The following MTPAP variants were observed in gnomAD, a reference collection of about 807,000 sequenced individuals.
The protein encoded by MTPAP is mitochondrial poly(A) polymerase, also known as poly(A) RNA polymerase, mitochondrial.
MTPAP carries 23 observed loss-of-function variants against 48.7 expected under a neutral mutation model. The observed-to-expected ratio is 0.47, with a 90% CI of 0.34 to 0.67. MTPAP has a LOEUF of 0.67. Ranked by LOEUF, MTPAP falls within the 30% of genes least tolerant of loss-of-function variation. MTPAP has a pLI of 0.01. For synonymous variants in MTPAP, 257 were observed against 254.1 expected (o/e 1.01, Z -0.11); for missense variants, 614 against 694.3 (o/e 0.88, Z 1.30).
intron 1 of MTPAP, among the ~76,000 whole-genome samples, chr10:30,346,141 T>C (rs767898822): frequency 5.3e-5 from 8 of 151,926 alleles, no homozygotes; most frequent in Admixed American, 3.9e-4. Flanking sequence ...AACCTAGCAG[T>C]TTTATAAAAG....
In MTPAP at chr10:30,310,560, G is replaced by C. The variant is rs1172918192; in HGVS notation, c.*3049C>G. 1.3e-5 allele frequency: 2 copies of C among 148,154 alleles called. No individual in the cohort carries two copies. Among genetic ancestry groups the C allele is most frequent in the African/African-American group, 5.1e-5 (2 of 39,436 alleles). 9.2% of individuals were successfully genotyped at this position (148,154 alleles called of 1,614,324 possible). On this transcript the variant is annotated 3_prime_UTR_variant, in exon 9 of 9. Transcript: ENST00000263063. Reference sequence around the variant, plus strand: ...AAGATCACTGCACTCTCCAGCCTGGGTGACAGAGGGAGACCCATCTCAAAA... The same window carrying C: ...AAGATCACTGCACTCTCCAGCCTGGCTGACAGAGGGAGACCCATCTCAAAA...
Position 30,336,943 on chromosome 10 carries a change from T to C in MTPAP, c.640A>G (p.Ile214Val). The C allele has an allele frequency of 6.2e-7, 1 of 1,613,642 alleles. No individual in the cohort carries two copies. Among genetic ancestry groups the C allele is most frequent in the Non-Finnish European group, 8.5e-7 (1 of 1,179,982 alleles). The change falls in exon 4 of 9, where the codon ATT becomes GTT. Residue 214 changes from isoleucine to valine, a missense_variant. By Grantham distance (29) the Ile-to-Val change is conservative. Coordinates refer to ENST00000263063, the MANE Select transcript of MTPAP (RefSeq NM_018109.4). ...TKLRYLTCSL[I>V]EDMAAAYFPD... is the part of the protein sequence containing the mutation. ...AAATACGCGGCGGCCATGTCTTCAA[T>C]AAGAGAACAGGTGAGATATCGGAGC...
At position 30,340,464 on chromosome 10, in the gene MTPAP, A is replaced by G; in HGVS notation, c.331-14T>C. ...AGCATAGAGACCCTATACCAAAAACATAAGAAAAAACAGAACACATTTCAC... is the reference window on the plus strand; with the variant it reads ...AGCATAGAGACCCTATACCAAAAACGTAAGAAAAAACAGAACACATTTCAC... On this transcript the variant is annotated splice_polypyrimidine_tract_variant and intron_variant, in intron 2 of 8. Coordinates refer to ENST00000263063, the MANE Select transcript of MTPAP (RefSeq NM_018109.4). 1.3e-6 allele frequency: 2 copies of G among 1,584,054 alleles called. No individual in the cohort carries two copies. The highest frequency in any genetic ancestry group is 1.7e-6 in the Non-Finnish European group (2 of 1,152,760).
Position 30,326,496 on chromosome 10 carries a change from T to G in MTPAP, c.920A>C (p.Asn307Thr). ...GAACCTCACGAGCGGACACCGGGCA[T>G]TTAATATTTTTTGCACACCCACACA... ...PGCVGVQKILNARCPLVRFSH... is the reference protein window; with the variant it reads ...PGCVGVQKILTARCPLVRFSH... The change falls in exon 5 of 9, where the codon AAT (asparagine) becomes ACT (threonine). Residue 307 changes from asparagine (N) to threonine (T), a missense_variant. Asn to Thr is a moderately conservative substitution (Grantham distance 65). Around this residue, in one of 5 missense-constraint regions of MTPAP, gnomAD observed 261 missense variants for 355.4 expected, o/e 0.73. Transcript: ENST00000263063. 1.2e-6 allele frequency: 2 copies of G among 1,614,154 alleles called. No homozygotes were observed. The highest frequency in any genetic ancestry group is 8.5e-7 in the Non-Finnish European group (1 of 1,180,020).
At chr10:30,320,827 T>C (rs543347749) in intron 6 of MTPAP, among the ~76,000 whole-genome samples, 8 of 152,314 alleles carry the variant, frequency 5.3e-5, no homozygotes, top group African/African-American at 1.9e-4. Flanking sequence ...TTTCTTCTGC[T>C]CCTCCTTTTA....
At chr10:30,340,559 T>C in intron 2 of MTPAP, 109 bp from the exon 3 acceptor site, 1 of 843,882 alleles carries the variant, frequency 1.2e-6, no homozygotes, top group East Asian at 2.6e-5. Context: ...ATATCAAGTC[T>C]TTAAAATTTA....
At chr10:30,343,499 T>G (rs1413806221) in intron 1 of MTPAP, among the ~76,000 whole-genome samples, 1 of 151,988 alleles carries the variant, frequency 6.6e-6, no homozygotes, top group Non-Finnish European at 1.5e-5. Flanking sequence ...TTTAGCCTCA[T>G]TTTCTTCCAA....
intron 4 of MTPAP, among the ~76,000 whole-genome samples, chr10:30,328,804 G>A (rs969215702): frequency 6.6e-6 from 1 of 152,136 alleles, no homozygotes; most frequent in African/African-American, 2.4e-5. Context: ...AAGCTTTGGG[G>A]CAGCCATATT....
In MTPAP at chr10:30,341,614, T is replaced by C. The variant is rs1388314829; in HGVS notation, c.184A>G (p.Arg62Gly). 1 of 1,613,988 alleles carries C rather than the reference T, an allele frequency of 6.2e-7. No homozygotes were observed. Among genetic ancestry groups the C allele is most frequent in the Admixed American group, 1.7e-5 (1 of 60,012 alleles). Residue 62 changes from arginine to glycine, a missense_variant, in exon 2 of 9, where the codon AGA becomes GGA. This residue lies in a region of MTPAP where 125 missense variants were observed against 111.5 expected (regional missense o/e 1.12). Transcript: ENST00000263063. ...CTTTCATTTTGCATCTCAGAGAATC[T>C]CCTTTTGGGAATCTTGTCTTCAAAG... ...TGFEDKIPKR[R>G]FSEMQNERRE... is the part of the protein sequence containing the mutation.
At chr10:30,324,479 A>G (rs2132852172) in intron 5 of MTPAP, among the ~76,000 whole-genome samples, 1 of 152,128 alleles carries the variant, frequency 6.6e-6, no homozygotes, top group Middle Eastern at 3.4e-3. Flanking sequence ...GTTTGGGCCC[A>G]AGAGTTCGAG....
intron 5 of MTPAP, among the ~76,000 whole-genome samples, chr10:30,323,757 G>A (rs1284646622): frequency 2.6e-5 from 4 of 152,162 alleles, no homozygotes; most frequent in Non-Finnish European, 5.9e-5. Flanking sequence ...TGATCCACTC[G>A]CCTCGGCCTC....
Position 30,313,563 on chromosome 10 carries a change from A to G in MTPAP, c.*46T>C, listed in dbSNP as rs372062811. The G allele has an allele frequency of 8.1e-6, 13 of 1,612,334 alleles. No individual in the cohort carries two copies. Among genetic ancestry groups the G allele is most frequent in the Non-Finnish European group, 1.0e-5 (12 of 1,178,996 alleles). On this transcript the variant is annotated 3_prime_UTR_variant, in exon 9 of 9. Transcript: ENST00000263063. The stretch of plus-strand genomic sequence containing the variant: ...TCAGTTTTTCCAAGTAAGTCCACAG[A>G]CCATTTGATAGGCTAAGCCCAGTTC...
intron 5 of MTPAP, 27 bp from the exon 6 acceptor site, chr10:30,322,644 G>A (rs746970610): frequency 1.1e-5 from 16 of 1,513,860 alleles, no homozygotes; most frequent in Non-Finnish European, 1.5e-5. Context: ...TAAGAAAAAT[G>A]TTCAAATCCC....
intron 3 of MTPAP, among the ~76,000 whole-genome samples, chr10:30,339,159 A>G (rs1834769038): frequency 6.6e-6 from 1 of 151,764 alleles, no homozygotes; most frequent in African/African-American, 2.4e-5. Context: ...AAAAAACACC[A>G]AGACAAATAC....
intron 8 of MTPAP, among the ~76,000 whole-genome samples, 166 bp from the exon 9 acceptor site, chr10:30,314,137 T>C (rs1355981726): frequency 6.6e-6 from 1 of 152,176 alleles, no homozygotes; most frequent in Non-Finnish European, 1.5e-5. Context: ...GGTGGGTGTG[T>C]GTACTTCTCA....
At position 30,349,267 on chromosome 10, in the gene MTPAP, A is replaced by T; in HGVS notation, c.9T>A (p.Val3=). The T allele has an allele frequency of 6.8e-7, 1 of 1,479,538 alleles. No individual in the cohort carries two copies. The highest frequency in any genetic ancestry group is 2.4e-5 in the East Asian group (1 of 41,176). 91.7% of individuals were successfully genotyped at this position (1,479,538 alleles called of 1,614,324 possible). A position where few individuals can be genotyped will look rare whatever the true frequency, so the allele number is the denominator to read the frequency against. Residue 3 remains valine, a synonymous_variant, in exon 1 of 9, where the codon GTT becomes GTA. Transcript: ENST00000263063. MA[V]PGVGLLTRLN... ...AACGGGTCAAGAGCCCCACGCCGGG[A>T]ACCGCCATTGCTAAAAAAAAAAAAA... is the stretch of plus-strand genomic sequence containing the variant.
chr10:30,316,877 T>A (rs1022475293), intron 6 of MTPAP, among the ~76,000 whole-genome samples: 1 of 143,994 alleles, frequency 6.9e-6, no homozygotes, highest in African/African-American at 2.7e-5. Context: ...AGAGCAAGAC[T>A]CCATCTCAAA....
chr10:30,328,968 A>C (rs1834631218), intron 4 of MTPAP, among the ~76,000 whole-genome samples: 2 of 152,040 alleles, frequency 1.3e-5, no homozygotes, highest in Non-Finnish European at 2.9e-5. Flanking sequence ...AGGGTATCAT[A>C]GGCTGCCTGT....
chr10:30,335,663 G>C (rs1295598293), intron 4 of MTPAP, among the ~76,000 whole-genome samples: 1 of 152,052 alleles, frequency 6.6e-6, no homozygotes, highest in Non-Finnish European at 1.5e-5. Flanking sequence ...AGAAAAAAAG[G>C]GTAAGGAGGA....
Sources: allele counts gnomAD v4.1 joint callset (sites outside exome capture counted in the v4.1 genomes callset), GRCh38; gene constraint gnomAD v4.1.1; regional missense constraint gnomAD v4.1.1; transcripts MANE v1.5; gene names NCBI Gene and HGNC (gene_info 2026-07-23, HGNC 2026-07-21).